The following KIAA1217 variants were observed in gnomAD, a reference collection of about 807,000 sequenced individuals.
KIAA1217 encodes the protein KIAA1217, also known as sickle tail protein homolog.
Under a neutral mutation model 163.9 loss-of-function variants are expected in KIAA1217, and 88 were observed. The ratio of observed to expected loss-of-function variants is 0.54; its 90% CI spans 0.45 to 0.64. The LOEUF is 0.64. Ranked by LOEUF, KIAA1217 falls within the 30% of genes least tolerant of loss-of-function variation. The pLI is 0.00. For synonymous variants in KIAA1217, 903 were observed against 923.1 expected (o/e 0.98, Z 0.39); for missense variants, 2,372 against 2,475.0 (o/e 0.96, Z 0.88).
chr10:24,533,262 T>C (rs551170594), intron 16 of KIAA1217, 25 bp downstream of exon 16: 2 of 1,584,736 alleles, frequency 1.3e-6, no homozygotes, highest in South Asian at 1.2e-5. Context: ...TGACTGACAT[T>C]GGCTCCTTGC....
intron 2 of KIAA1217, among the ~76,000 whole-genome samples, chr10:24,102,904 G>A (rs1045713113): frequency 3.3e-5 from 5 of 152,112 alleles, no homozygotes; most frequent in Non-Finnish European, 1.5e-5. Flanking sequence ...TCATGGGAGC[G>A]GGTTTTTCCC....
chr10:23,834,918 T>G (rs1349761888), intron 1 of KIAA1217, among the ~76,000 whole-genome samples: 3 of 152,096 alleles, frequency 2.0e-5, no homozygotes, highest in African/African-American at 7.2e-5. Flanking sequence ...GAATAAACAT[T>G]CAAATCACTG....
chr10:23,898,176 T>C (rs1347468281), intron 1 of KIAA1217, among the ~76,000 whole-genome samples: 1 of 152,024 alleles, frequency 6.6e-6, no homozygotes, highest in Non-Finnish European at 1.5e-5. Context: ...GGTACTTTAT[T>C]GTGAACGGAG....
At chr10:24,057,224 G>T (rs1399142082) in intron 2 of KIAA1217, among the ~76,000 whole-genome samples, 1 of 152,172 alleles carries the variant, frequency 6.6e-6, no homozygotes, top group East Asian at 1.9e-4. Context: ...TCCAGCCTGG[G>T]TGACAGAGCA....
intron 1 of KIAA1217, among the ~76,000 whole-genome samples, chr10:23,812,070 G>A (rs974705057): frequency 5.3e-5 from 8 of 152,032 alleles, no homozygotes; most frequent in African/African-American, 1.9e-4. Flanking sequence ...GGGTGACAAA[G>A]TAAGACCCTG....
At chr10:24,336,009 G>A (rs576508974) in intron 2 of KIAA1217, among the ~76,000 whole-genome samples, 2 of 152,356 alleles carry the variant, frequency 1.3e-5, no homozygotes, top group South Asian at 4.1e-4. Flanking sequence ...GGGAGGCCAA[G>A]GCAGGCAAAT....
At chr10:24,049,622 G>T (rs889626190) in intron 2 of KIAA1217, among the ~76,000 whole-genome samples, 11 of 152,082 alleles carry the variant, frequency 7.2e-5, no homozygotes, top group Non-Finnish European at 1.3e-4. Flanking sequence ...CCATGTCCCT[G>T]CAAAGGACAT....
At chr10:24,004,123 G>A (rs1846878449) in intron 1 of KIAA1217, among the ~76,000 whole-genome samples, 1 of 152,060 alleles carries the variant, frequency 6.6e-6, no homozygotes, top group Non-Finnish European at 1.5e-5. Context: ...GGGATTACAG[G>A]CACACACCAC....
At chr10:24,335,064 A>G (rs12249793) in intron 2 of KIAA1217, among the ~76,000 whole-genome samples, 1 of 152,200 alleles carries the variant, frequency 6.6e-6, no homozygotes, top group African/African-American at 2.4e-5. Context: ...TAATACACAC[A>G]ATGAGATCTA....
intron 2 of KIAA1217, among the ~76,000 whole-genome samples, chr10:24,064,927 A>G (rs2060878744): frequency 1.3e-5 from 2 of 152,232 alleles, no homozygotes; most frequent in East Asian, 1.9e-4. Context: ...GTTTATTTGC[A>G]TAGAGGTGTT....
rs1227941690 is a variant in KIAA1217 at position 24,513,464 on chromosome 10, G to GT, written c.2177+33dup. On this transcript the variant is annotated intron_variant, in intron 10 of 20. Coordinates refer to ENST00000376454, the MANE Select transcript of KIAA1217 (RefSeq NM_019590.5). ...GTGCCAGTCACTTGCATGTTGAGCT[G>GT]TTTCACCTGCAAAGGAAAATTATCA... 3 of 1,603,270 alleles carry GT rather than the reference G, an allele frequency of 1.9e-6. No individual in the cohort carries two copies. The African/African-American group carries it at 4.0e-5, about 22-fold the overall frequency.
At chr10:23,852,063 G>C (rs944671266) in intron 1 of KIAA1217, among the ~76,000 whole-genome samples, 106 of 152,078 alleles carry the variant, frequency 7.0e-4, no homozygotes, top group African/African-American at 2.5e-3. Context: ...CATTCCTTTT[G>C]GTGTTTTAGA....
intron 2 of KIAA1217, among the ~76,000 whole-genome samples, chr10:24,116,579 C>T (rs906776622): frequency 1.3e-5 from 2 of 152,060 alleles, no homozygotes; most frequent in Non-Finnish European, 2.9e-5. Context: ...GGCAATGGGC[C>T]TAATTTGGCC....
chr10:23,734,604 T>C (rs1838685786), intron 1 of KIAA1217, among the ~76,000 whole-genome samples: 1 of 152,142 alleles, frequency 6.6e-6, no homozygotes, highest in Admixed American at 6.6e-5. Context: ...TTAAACTTTT[T>C]ATCATACACT....
intron 2 of KIAA1217, among the ~76,000 whole-genome samples, chr10:24,155,949 T>C (rs917901855): frequency 1.3e-5 from 2 of 152,196 alleles, no homozygotes; most frequent in Non-Finnish European, 2.9e-5. Flanking sequence ...GGAAATAAAA[T>C]ATTCCCTTGA....
At position 24,147,859 on chromosome 10, in the gene KIAA1217, A is replaced by AAAAAAG. The variant is rs1564755545; in HGVS notation, c.-170-71764_-170-71763insAAGAAA. Among the ~76,000 whole-genome samples, 186 of 145,956 alleles carry AAAAAAG rather than the reference A, an allele frequency of 1.3e-3. 1 individual carries two copies. The highest frequency in any genetic ancestry group is 4.7e-3 in the African/African-American group (182 of 38,494). ...AAAAAAAAAAAAAAAAAAAAAAAAAAAAAGAAAGAAAGAGAAAAGAAAAGA... is the reference window on the plus strand; with the variant it reads ...AAAAAAAAAAAAAAAAAAAAAAAAAAAAAAAGAAAGAAAGAAAGAGAAAAGAAAAGA... On this transcript the variant is annotated intron_variant, in intron 2 of 18. Coordinates refer to the KIAA1217 transcript ENST00000376462.
At position 23,992,065 on chromosome 10, in the gene KIAA1217, C is replaced by G. The variant is rs967261111; in HGVS notation, c.-320-15160C>G. 1.2e-4 allele frequency among the ~76,000 whole-genome samples: 18 copies of G among 152,128 alleles called. 1 individual carries two copies. Among genetic ancestry groups the G allele is most frequent in the African/African-American group, 4.1e-4 (17 of 41,420 alleles). ...CCCAAAACGCATCATTTTATGGGCT[C>G]TCTTCTGGTAAAATTACTTTTCTGA... On this transcript the variant is annotated intron_variant, in intron 1 of 18. Transcript: ENST00000376462.
chr10:24,311,390 C>T (rs941947733), intron 2 of KIAA1217, among the ~76,000 whole-genome samples: 2 of 152,164 alleles, frequency 1.3e-5, no homozygotes, highest in Non-Finnish European at 2.9e-5. Context: ...GAGCTGCACA[C>T]ATTGACTTGA....
intron 1 of KIAA1217, among the ~76,000 whole-genome samples, chr10:23,713,799 T>C (rs1837402590): frequency 1.3e-5 from 2 of 152,200 alleles, no homozygotes; most frequent in Admixed American, 6.6e-5. Flanking sequence ...CTTAGATTAC[T>C]GTATGCCCCA....
Sources: gnomAD v4.1 joint callset for allele counts (sites outside exome capture counted in the v4.1 genomes callset) on GRCh38, gnomAD v4.1.1 for gene constraint, MANE v1.5 for transcripts, NCBI Gene and HGNC (gene_info 2026-07-23, HGNC 2026-07-21) for gene names.